MALRD1: variants seen among roughly 807,000 people sequenced by gnomAD.
MALRD1 encodes MAM and LDL receptor class A domain containing 1, also known as MAM and LDL-receptor class A domain-containing protein 1.
A neutral mutation model predicts 242.1 loss-of-function variants in MALRD1; 247 were observed. The ratio of observed to expected loss-of-function variants is 1.02; its 90% confidence interval spans 0.92 to 1.13. MALRD1 has a LOEUF of 1.13. Ranked by LOEUF, MALRD1 falls within the 50% of genes most tolerant of loss-of-function variation. MALRD1 has a pLI of 0.00. For synonymous variants in MALRD1, 995 were observed against 866.6 expected (o/e 1.15, Z -2.60); for missense variants, 2,989 against 2,533.1 (o/e 1.18, Z -3.86).
intron 28 of MALRD1, among the ~76,000 whole-genome samples, chr10:19,426,628 C>G (rs562476527): frequency 1.7e-4 from 26 of 151,966 alleles, no homozygotes; most frequent in Admixed American, 6.6e-4. Context: ...ATGGTAAAAC[C>G]CTGTCTCTAC....
At chr10:19,476,395 C>G (rs1836732709) in intron 29 of MALRD1, among the ~76,000 whole-genome samples, 1 of 152,004 alleles carries the variant, frequency 6.6e-6, no homozygotes, top group African/African-American at 2.4e-5. Flanking sequence ...CTTTTCTGTC[C>G]CTCTCTGAGC....
intron 11 of MALRD1, among the ~76,000 whole-genome samples, chr10:19,152,927 C>CA (rs377038218): frequency 6.6e-6 from 1 of 152,196 alleles, no homozygotes; most frequent in African/African-American, 2.4e-5. Context: ...TGTCATTTCC[C>CA]ATTTTAATTA....
chr10:19,673,363 G>T (rs1842006526), intron 36 of MALRD1, among the ~76,000 whole-genome samples: 1 of 152,058 alleles, frequency 6.6e-6, no homozygotes, highest in Non-Finnish European at 1.5e-5. Flanking sequence ...CTCCAGCCTG[G>T]GTGACAGAGT....
intron 36 of MALRD1, among the ~76,000 whole-genome samples, chr10:19,663,325 G>T (rs952851379): frequency 2.6e-5 from 4 of 151,950 alleles, no homozygotes; most frequent in South Asian, 2.1e-4. Context: ...TGGCCTCCAG[G>T]TTCATCCATG....
At chr10:19,263,691 T>C (rs1026139670) in intron 19 of MALRD1, among the ~76,000 whole-genome samples, 5 of 152,158 alleles carry the variant, frequency 3.3e-5, no homozygotes, top group African/African-American at 1.2e-4. Context: ...TTGAAGAGAT[T>C]ATTTTTTCCC....
intron 21 of MALRD1, among the ~76,000 whole-genome samples, chr10:19,289,064 A>G (rs899494169): frequency 3.3e-5 from 5 of 151,876 alleles, no homozygotes; most frequent in Admixed American, 1.3e-4. Context: ...TTTTTATTCA[A>G]AATTTTTTTC....
At chr10:19,132,605 A>C (rs55752966) in intron 8 of MALRD1, among the ~76,000 whole-genome samples, 9,320 of 152,260 alleles carry the variant, frequency 0.061, 314 homozygotes, top group South Asian at 0.14. Context: ...ATTGATATCA[A>C]GTATCATTTG....
At position 19,260,730 on chromosome 10, in the gene MALRD1, A is replaced by G. The variant is rs964974019; in HGVS notation, c.3079+2959A>G. 4.3e-4 allele frequency among the ~76,000 whole-genome samples: 65 copies of G among 152,292 alleles called. No homozygotes were observed. The Middle Eastern group carries it at 0.01, about 24-fold the overall frequency. ...GGTGAATAGATGTTGTATGTGGGGC[A>G]GGATTAATGCCTTTATTATACCAGT... On this transcript the variant is annotated intron_variant, in intron 19 of 39. Coordinates refer to ENST00000454679, the MANE Select transcript of MALRD1 (RefSeq NM_001142308.3).
chr10:19,208,129 G>A (rs532834569), intron 17 of MALRD1, among the ~76,000 whole-genome samples: 8 of 151,386 alleles, frequency 5.3e-5, no homozygotes, highest in African/African-American at 1.9e-4. Flanking sequence ...TAGTGTAACT[G>A]CTAAAAGCAA....
At chr10:19,114,042 CT>C (rs1836785487) in intron 5 of MALRD1, among the ~76,000 whole-genome samples, 1 of 152,124 alleles carries the variant, frequency 6.6e-6, no homozygotes, top group Non-Finnish European at 1.5e-5. Context: ...TTTCTTCTTC[CT>C]TGTGAGATAC....
intron 28 of MALRD1, among the ~76,000 whole-genome samples, chr10:19,426,615 A>C (rs531951196): frequency 3.7e-4 from 56 of 152,282 alleles, no homozygotes; most frequent in African/African-American, 1.2e-3. Context: ...CAACCTGGCC[A>C]ACATGGTAAA....
At chr10:19,454,726 A>ACACACG (rs1554775438) in intron 29 of MALRD1, among the ~76,000 whole-genome samples, 2 of 150,056 alleles carry the variant, frequency 1.3e-5, no homozygotes, top group Non-Finnish European at 3.0e-5. Context: ...ACACACACAC[A>ACACACG]CACACACACA....
chr10:19,581,790 G>A (rs1589264086), intron 33 of MALRD1, among the ~76,000 whole-genome samples: 4 of 150,758 alleles, frequency 2.7e-5, no homozygotes, highest in Non-Finnish European at 4.4e-5. Context: ...CTGAGGAATC[G>A]CCACACTGAC....
At chr10:19,126,685 T>A (rs1422386200) in intron 7 of MALRD1, among the ~76,000 whole-genome samples, 1 of 152,100 alleles carries the variant, frequency 6.6e-6, no homozygotes, top group Non-Finnish European at 1.5e-5. Flanking sequence ...TATTTATATA[T>A]TTTACTGTGC....
At chr10:19,298,996 C>T (rs1208720990) in intron 21 of MALRD1, among the ~76,000 whole-genome samples, 1 of 151,598 alleles carries the variant, frequency 6.6e-6, no homozygotes, top group Non-Finnish European at 1.5e-5. Flanking sequence ...AAGACAAAGA[C>T]TTTTTCAAAC....
intron 24 of MALRD1, among the ~76,000 whole-genome samples, chr10:19,337,955 G>A (rs538593050): frequency 1.6e-4 from 24 of 151,856 alleles, no homozygotes; most frequent in African/African-American, 4.8e-4. Context: ...CCAGCTACTC[G>A]GGAGGCTGGG....
chr10:19,601,647 T>A (rs1360613663), intron 34 of MALRD1, among the ~76,000 whole-genome samples: 1 of 152,036 alleles, frequency 6.6e-6, no homozygotes, highest in East Asian at 1.9e-4. Flanking sequence ...GATTTTTTAA[T>A]GTGTTTTAAC....
chr10:19,386,999 A>T (rs193095414), intron 26 of MALRD1, among the ~76,000 whole-genome samples: 13 of 152,326 alleles, frequency 8.5e-5, no homozygotes, highest in Admixed American at 7.8e-4. Context: ...TATGCATTTT[A>T]GAGAAAAATC....
intron 28 of MALRD1, among the ~76,000 whole-genome samples, chr10:19,429,703 C>A (rs140051937): frequency 6.6e-6 from 1 of 152,156 alleles, no homozygotes; most frequent in Non-Finnish European, 1.5e-5. Context: ...TACCCCCATA[C>A]GTTCAATTAT....
Sources: gnomAD v4.1 joint callset for allele counts (sites outside exome capture counted in the v4.1 genomes callset) on GRCh38, gnomAD v4.1.1 for gene constraint, MANE v1.5 for transcripts, NCBI Gene and HGNC (gene_info 2026-07-23, HGNC 2026-07-21) for gene names.